The following STPG2 variants were observed in gnomAD, a reference collection of about 807,000 sequenced individuals.
STPG2 encodes the protein sperm-tail PG-rich repeat-containing protein 2.
Under a neutral mutation model 54.2 loss-of-function variants are expected in STPG2, and 56 were observed. That is an observed-to-expected ratio of 1.03 (90% CI 0.83 to 1.29). The LOEUF (loss-of-function observed/expected upper bound fraction) is 1.29, where lower values mean the gene tolerates loss of function less well. Ranked by LOEUF, STPG2 falls within the 50% of genes most tolerant of loss-of-function variation. The pLI is 0.00. For synonymous variants in STPG2, 200 were observed against 181.8 expected (o/e 1.10, Z -0.81); for missense variants, 596 against 544.9 (o/e 1.09, Z -0.93).
At chr4:97,680,472 T>C (rs1722997879) in intron 10 of STPG2, among the ~76,000 whole-genome samples, 1 of 152,186 alleles carries the variant, frequency 6.6e-6, no homozygotes. Context: ...TTTTTGTACA[T>C]TGATTTTGTA....
chr4:98,015,123 A>G (rs1735896512), intron 5 of STPG2, among the ~76,000 whole-genome samples: 1 of 152,190 alleles, frequency 6.6e-6, no homozygotes, highest in Non-Finnish European at 1.5e-5. Flanking sequence ...AACCTAAGCA[A>G]TACCATTCAG....
chr4:98,133,305 A>G (rs1330405805), intron 2 of STPG2, among the ~76,000 whole-genome samples: 1 of 152,062 alleles, frequency 6.6e-6, no homozygotes, highest in African/African-American at 2.4e-5. Flanking sequence ...ATTTATGATA[A>G]CAGTGGCTGG....
intron 8 of STPG2, among the ~76,000 whole-genome samples, chr4:97,867,957 C>T (rs940118780): frequency 5.3e-5 from 8 of 151,992 alleles, no homozygotes; most frequent in Admixed American, 1.3e-4. Context: ...ATTATATTGC[C>T]AACCCAAACA....
At chr4:97,703,179 C>G (rs1723829741) in intron 10 of STPG2, among the ~76,000 whole-genome samples, 1 of 151,832 alleles carries the variant, frequency 6.6e-6, no homozygotes, top group African/African-American at 2.4e-5. Flanking sequence ...TTGCACAGCT[C>G]TCTAAACAGT....
intron 4 of STPG2, among the ~76,000 whole-genome samples, chr4:97,507,141 T>G (rs1238869090): frequency 6.6e-6 from 1 of 151,890 alleles, no homozygotes; most frequent in Non-Finnish European, 1.5e-5. Context: ...TCAAACATAG[T>G]GAGATCCCTT....
intron 9 of STPG2, among the ~76,000 whole-genome samples, chr4:97,750,894 TCA>T: frequency 6.6e-6 from 1 of 151,880 alleles, no homozygotes; most frequent in African/African-American, 2.4e-5. Context: ...CACTTAATAA[TCA>T]CAGTTACTTT....
intron 1 of STPG2, among the ~76,000 whole-genome samples, chr4:98,141,168 C>G (rs1578190618): frequency 6.6e-6 from 1 of 152,208 alleles, no homozygotes; most frequent in East Asian, 1.9e-4. Context: ...TAGTGGCTTA[C>G]TTTCCAATCT....
Position 98,045,754 on chromosome 4 carries a change from C to T in STPG2, c.612+60199G>A, listed in dbSNP as rs563509033. Reference sequence around the variant, plus strand: ...AATAAATCTGCTGATTGTCTTATGGCGCTCCCATGTACACAAGTTGCTTTT... The same window carrying T: ...AATAAATCTGCTGATTGTCTTATGGTGCTCCCATGTACACAAGTTGCTTTT... On this transcript the variant is annotated intron_variant, in intron 5 of 10. Transcript: ENST00000295268. Among the ~76,000 whole-genome samples, 10 of 152,058 alleles carry T rather than the reference C, an allele frequency of 6.6e-5. No individual in the cohort carries two copies. The East Asian group carries it at 7.7e-4, about 12-fold the overall frequency.
At chr4:97,876,845 C>G (rs950590507) in intron 8 of STPG2, among the ~76,000 whole-genome samples, 1 of 151,618 alleles carries the variant, frequency 6.6e-6, no homozygotes, top group Non-Finnish European at 1.5e-5. Context: ...GTTTTCTTAG[C>G]CTGGAAATAA....
intron 9 of STPG2, among the ~76,000 whole-genome samples, chr4:97,808,895 A>T (rs1727653382): frequency 6.6e-6 from 1 of 152,038 alleles, no homozygotes. Context: ...GATACTTCAA[A>T]CTTCCTTTGC....
At chr4:97,905,000 G>C (rs549089723) in intron 8 of STPG2, among the ~76,000 whole-genome samples, 1 of 151,992 alleles carries the variant, frequency 6.6e-6, no homozygotes, top group Non-Finnish European at 1.5e-5. Context: ...TGAAAGTGAC[G>C]GGGAGAATGG....
chr4:97,574,172 A>G (rs947395090), intron 10 of STPG2, among the ~76,000 whole-genome samples: 2 of 152,108 alleles, frequency 1.3e-5, no homozygotes, highest in Admixed American at 1.3e-4. Context: ...TTAATCTCTA[A>G]GAAATAATAA....
intron 4 of STPG2, among the ~76,000 whole-genome samples, chr4:97,531,209 A>G (rs193214247): frequency 6.6e-6 from 1 of 152,306 alleles, no homozygotes; most frequent in African/African-American, 2.4e-5. Context: ...GCAATAATAA[A>G]TGTTGGTGAG....
chr4:97,554,497 T>A (rs943617949), downstream of STPG2, among the ~76,000 whole-genome samples: 36 of 152,128 alleles, frequency 2.4e-4, no homozygotes, highest in Non-Finnish European at 3.1e-4. Flanking sequence ...GTGAGTCTGG[T>A]TTGCCATCGC....
intron 3 of STPG2, among the ~76,000 whole-genome samples, chr4:98,115,971 T>G (rs1739509421): frequency 8.4e-6 from 1 of 119,704 alleles, no homozygotes; most frequent in African/African-American, 3.3e-5. Context: ...GAAAACTACG[T>G]TTTTATATGT....
intron 9 of STPG2, among the ~76,000 whole-genome samples, chr4:97,727,516 G>C (rs1724662081): frequency 6.6e-6 from 1 of 151,816 alleles, no homozygotes; most frequent in Non-Finnish European, 1.5e-5. Flanking sequence ...TATACCCCCA[G>C]GTTTTTTATG....
intron 5 of STPG2, among the ~76,000 whole-genome samples, chr4:98,077,782 C>T (rs760580075): frequency 6.6e-6 from 1 of 152,094 alleles, no homozygotes; most frequent in Non-Finnish European, 1.5e-5. Flanking sequence ...GCAAAGTTCA[C>T]CAATGTTAAA....
intron 5 of STPG2, among the ~76,000 whole-genome samples, chr4:98,009,754 C>T (rs914500639): frequency 6.6e-5 from 10 of 152,006 alleles, no homozygotes; most frequent in East Asian, 3.8e-4. Context: ...AAATTATGTG[C>T]TCCAATGTTG....
At chr4:97,888,743 G>A (rs1370351494) in intron 8 of STPG2, among the ~76,000 whole-genome samples, 1 of 152,152 alleles carries the variant, frequency 6.6e-6, no homozygotes, top group Non-Finnish European at 1.5e-5. Context: ...TGAGACTTGG[G>A]AGGGGACAGA....
Sources: gnomAD v4.1 joint callset for allele counts (sites outside exome capture counted in the v4.1 genomes callset) on GRCh38, gnomAD v4.1.1 for gene constraint, MANE v1.5 for transcripts, NCBI Gene and HGNC (gene_info 2026-07-23, HGNC 2026-07-21) for gene names.